NDE1: variants seen among roughly 807,000 people sequenced by gnomAD.
NDE1 encodes nuclear distribution protein nudE homolog 1.
In NDE1, 28 loss-of-function variants were observed where a neutral mutation model predicts 43.4. The ratio of observed to expected loss-of-function variants is 0.65; its 90% CI spans 0.48 to 0.89. The LOEUF is 0.89. Among genes scored for constraint, NDE1 ranks in the 40% least tolerant of loss-of-function variants. The probability of loss-of-function intolerance (pLI) is 0.00; values close to 1 mark genes in which losing one functional copy is unlikely to be tolerated. For synonymous variants in NDE1, 184 were observed against 172.0 expected, an observed-to-expected ratio of 1.07 and a Z score of -0.55; for missense variants, 441 against 434.1, an observed-to-expected ratio of 1.02 and a Z score of -0.14.
chr16:15,678,232 G>T (rs975182138), intron 4 of NDE1, among the ~76,000 whole-genome samples: 1 of 152,182 alleles, frequency 6.6e-6, no homozygotes, highest in Non-Finnish European at 1.5e-5. Flanking sequence ...CCTTACCAGG[G>T]GAAATGCTAT....
intron 8 of NDE1, among the ~76,000 whole-genome samples, chr16:15,723,532 G>A (rs1039746951): frequency 1.3e-5 from 2 of 152,094 alleles, no homozygotes; most frequent in South Asian, 2.1e-4. Context: ...CTATAATCCC[G>A]GCTACATGAA....
At chr16:15,695,166 A>G (rs1210019893) in intron 7 of NDE1, among the ~76,000 whole-genome samples, 1 of 147,678 alleles carries the variant, frequency 6.8e-6, no homozygotes, top group East Asian at 2.0e-4. Context: ...CCTGGGTGAC[A>G]GCACGACGTT....
Position 15,697,442 on chromosome 16 carries a change from C to T in NDE1, c.947+582C>T, listed in dbSNP as rs541280343. On this transcript the variant is annotated intron_variant, in intron 8 of 8. Coordinates refer to ENST00000396354, the MANE Select transcript of NDE1 (RefSeq NM_017668.3). ...CCCTTATTTGGGCCAGGTGTGGTGACGCTCGCCTGTAATCCCAGCAGTCTG... is the reference window on the plus strand; with the variant it reads ...CCCTTATTTGGGCCAGGTGTGGTGATGCTCGCCTGTAATCCCAGCAGTCTG... 9.2e-5 allele frequency among the ~76,000 whole-genome samples: 14 copies of T among 152,182 alleles called. No homozygotes were observed. The East Asian group carries it at 9.7e-4, about 11-fold the overall frequency.
At chr16:15,711,559 G>A (rs775071699) in intron 8 of NDE1, among the ~76,000 whole-genome samples, 3 of 152,190 alleles carry the variant, frequency 2.0e-5, no homozygotes. Flanking sequence ...GATTAAAACT[G>A]TTAAAAGATC....
intron 1 of NDE1, among the ~76,000 whole-genome samples, chr16:15,664,370 A>T (rs1305224262): frequency 6.6e-6 from 1 of 151,838 alleles, no homozygotes; most frequent in Admixed American, 6.6e-5. Context: ...TTATTTATTT[A>T]TTTTGACACA....
intron 8 of NDE1, chr16:15,701,688 T>G (rs2039226714): frequency 6.6e-6 from 1 of 152,194 alleles, no homozygotes. Flanking sequence ...ACACACTAAT[T>G]TCTGGAGTGT....
chr16:15,657,687 C>G (rs1242407931), intron 1 of NDE1, among the ~76,000 whole-genome samples: 1 of 152,160 alleles, frequency 6.6e-6, no homozygotes, highest in Non-Finnish European at 1.5e-5. Flanking sequence ...CTCCGCTTCT[C>G]AGGCTTAAGT....
chr16:15,723,737 A>C lies in NDE1; in HGVS notation c.948-454A>C, dbSNP rs138825652. The stretch of plus-strand genomic sequence containing the variant: ...AGGTGTTCACCGTACAATTCTGTCA[A>C]CTTTGCTGTGTACTTGGAATTTTAC... On this transcript the variant is annotated intron_variant, in intron 8 of 8. Coordinates refer to ENST00000396354, the MANE Select transcript of NDE1 (RefSeq NM_017668.3). 2.2e-4 allele frequency among the ~76,000 whole-genome samples: 34 copies of C among 152,348 alleles called. No individual in the cohort carries two copies. The East Asian group carries it at 4.8e-3, about 22-fold the overall frequency.
At chr16:15,699,660 C>T in intron 8 of NDE1, 3 of 1,302,888 alleles carry the variant, frequency 2.3e-6, no homozygotes, top group Non-Finnish European at 3.0e-6. Context: ...TTATAACTCT[C>T]TGGGCCCCGG....
At chr16:15,698,465 C>G (rs575087640) in intron 8 of NDE1, among the ~76,000 whole-genome samples, 1 of 152,100 alleles carries the variant, frequency 6.6e-6, no homozygotes, top group African/African-American at 2.4e-5. Context: ...CTCTCTGGGC[C>G]CCAAGCCGTA....
intron 8 of NDE1, chr16:15,708,802 C>A: frequency 6.2e-7 from 1 of 1,607,660 alleles, no homozygotes; most frequent in Non-Finnish European, 8.5e-7. Context: ...AGGCATGATA[C>A]CTGGTGCATC....
chr16:15,670,446 T>C (rs1372406799), intron 3 of NDE1, among the ~76,000 whole-genome samples: 4 of 151,682 alleles, frequency 2.6e-5, no homozygotes, highest in Middle Eastern at 3.4e-3. Flanking sequence ...TCACCTGAGG[T>C]TGGGAGTTTG....
intron 2 of NDE1, among the ~76,000 whole-genome samples, chr16:15,665,222 A>G (rs976339018): frequency 3.9e-5 from 6 of 152,036 alleles, no homozygotes; most frequent in Non-Finnish European, 8.8e-5. Context: ...GCAGGCCTAT[A>G]TGTGCCAGGC....
chr16:15,713,387 A>T (rs1286189139), intron 8 of NDE1: 1 of 152,158 alleles, frequency 6.6e-6, no homozygotes, highest in Non-Finnish European at 1.5e-5. Context: ...AATGGGGAGG[A>T]GCGATCATAA....
chr16:15,717,162 C>G, intron 8 of NDE1: 1 of 1,614,188 alleles, frequency 6.2e-7, no homozygotes, highest in East Asian at 2.2e-5. Context: ...TCGACCTGCT[C>G]CTCCAGCTGT....
At chr16:15,661,386 G>A (rs184889634) in intron 1 of NDE1, among the ~76,000 whole-genome samples, 18 of 152,094 alleles carry the variant, frequency 1.2e-4, no homozygotes. Context: ...CTAACCTCGT[G>A]ATCCACCTGC....
chr16:15,670,651 C>T (rs1230888321), intron 3 of NDE1, among the ~76,000 whole-genome samples: 1 of 131,270 alleles, frequency 7.6e-6, no homozygotes, highest in African/African-American at 2.8e-5. Context: ...GAGCGAAACT[C>T]TGTCTCAAAA....
At chr16:15,690,361 T>TG (rs2038686912) in intron 5 of NDE1, among the ~76,000 whole-genome samples, 1 of 102,032 alleles carries the variant, frequency 9.8e-6, no homozygotes, top group Non-Finnish European at 1.9e-5. Flanking sequence ...TTCTTTTTTT[T>TG]TTTTTTTTTT....
chr16:15,676,900 A>G (rs1338468468), intron 3 of NDE1, among the ~76,000 whole-genome samples: 1 of 152,078 alleles, frequency 6.6e-6, no homozygotes, highest in African/African-American at 2.4e-5. Flanking sequence ...TAATACACTG[A>G]TGATATGTGT....
Sources: gnomAD v4.1 joint callset for allele counts (sites outside exome capture counted in the v4.1 genomes callset) on GRCh38, gnomAD v4.1.1 for gene constraint, MANE v1.5 for transcripts, NCBI Gene and HGNC (gene_info 2026-07-23, HGNC 2026-07-21) for gene names.